Variants in DSCAML1 observed in about 807,000 individuals in gnomAD.
The protein encoded by DSCAML1 is DS cell adhesion molecule like 1.
Under a neutral mutation model 200.5 loss-of-function variants are expected in DSCAML1, and 38 were observed. The observed-to-expected ratio is 0.19, with a 90% CI of 0.15 to 0.25. The LOEUF (loss-of-function observed/expected upper bound fraction) is 0.25. Ranked by LOEUF, DSCAML1 falls within the 10% of genes least tolerant of loss-of-function variation. The probability of loss-of-function intolerance (pLI) is 1.00; values close to 1 mark genes in which losing one functional copy is unlikely to be tolerated. For missense variants in DSCAML1, 2,223 were observed against 2,858.8 expected (o/e 0.78, Z 5.07); for synonymous variants, 1,215 against 1,165.0 (o/e 1.04, Z -0.87).
intron 3 of DSCAML1, among the ~76,000 whole-genome samples, chr11:117,763,596 C>T (rs1371333714): frequency 6.6e-6 from 1 of 152,034 alleles, no homozygotes; most frequent in Non-Finnish European, 1.5e-5. Context: ...ACCTGTGATG[C>T]ATCCTGAGCC....
chr11:117,547,877 G>A (rs944410311), intron 3 of DSCAML1, among the ~76,000 whole-genome samples: 8 of 152,130 alleles, frequency 5.3e-5, no homozygotes, highest in Non-Finnish European at 7.4e-5. Flanking sequence ...CAGCCACGCT[G>A]GTCCTCCGCT....
At chr11:117,654,874 T>C (rs1485915140) in intron 3 of DSCAML1, among the ~76,000 whole-genome samples, 2 of 152,116 alleles carry the variant, frequency 1.3e-5, no homozygotes, top group Non-Finnish European at 1.5e-5. Context: ...TTATTCCGGG[T>C]ACCCTGGTGG....
chr11:117,787,440 C>T (rs1422354754), intron 1 of DSCAML1, among the ~76,000 whole-genome samples: 2 of 152,134 alleles, frequency 1.3e-5, no homozygotes, highest in Admixed American at 6.5e-5. Context: ...TAACCTAAAA[C>T]CGTGGTTCTC....
chr11:117,721,007 G>A (rs188578880), intron 3 of DSCAML1, among the ~76,000 whole-genome samples: 2,082 of 152,242 alleles, frequency 0.014, 15 homozygotes, highest in Non-Finnish European at 0.019. Flanking sequence ...CATCCTCAAC[G>A]TTTGTCCAAG....
chr11:117,563,942 C>G (rs2050708053), intron 3 of DSCAML1, among the ~76,000 whole-genome samples: 1 of 152,134 alleles, frequency 6.6e-6, no homozygotes, highest in Admixed American at 6.6e-5. Context: ...GGGTGCCAGT[C>G]TAACTAGGAG....
chr11:117,579,288 CTT>C (rs2051002940), intron 3 of DSCAML1, among the ~76,000 whole-genome samples: 1 of 152,250 alleles, frequency 6.6e-6, no homozygotes, highest in African/African-American at 2.4e-5. Flanking sequence ...AATTCAAACT[CTT>C]TACGGTGACC....
chr11:117,708,113 G>A (rs747480882), intron 3 of DSCAML1, among the ~76,000 whole-genome samples: 1 of 152,096 alleles, frequency 6.6e-6, no homozygotes, highest in Non-Finnish European at 1.5e-5. Context: ...TATACTTCCT[G>A]TACCCCCCAC....
intron 3 of DSCAML1, among the ~76,000 whole-genome samples, chr11:117,584,079 C>T (rs548854897): frequency 6.6e-6 from 1 of 152,120 alleles, no homozygotes; most frequent in Admixed American, 6.5e-5. Context: ...TCCTACCCCC[C>T]TGTGCAATAT....
At position 117,431,551 on chromosome 11, in the gene DSCAML1, C is replaced by T; in HGVS notation, c.5357G>A (p.Ser1786Asn). ...TVTESDSYSA[S>N]LSQDTDKGRN... is the part of the protein sequence containing the mutation. The stretch of plus-strand genomic sequence containing the variant: ...AGGCACACCTGTGTCCTGGGACAGG[C>T]TGGCACTGTAGCTGTCACTCTCAGT... The change falls in exon 31 of 33, where the codon AGC becomes AAC. Residue 1786 changes from serine to asparagine, a missense_variant. Physicochemically the swap from Ser to Asn is conservative, Grantham distance 46. Coordinates refer to ENST00000651296, the MANE Select transcript of DSCAML1 (RefSeq NM_020693.4). 1.3e-6 allele frequency: 2 copies of T among 1,592,602 alleles called. No individual in the cohort carries two copies. Among genetic ancestry groups the T allele is most frequent in the Non-Finnish European group, 1.7e-6 (2 of 1,168,190 alleles).
chr11:117,732,918 G>A (rs1432087999), intron 3 of DSCAML1, among the ~76,000 whole-genome samples: 3 of 151,976 alleles, frequency 2.0e-5, no homozygotes, highest in Non-Finnish European at 2.9e-5. Flanking sequence ...AAAATTATAT[G>A]CTTGAAAACA....
chr11:117,698,940 C>T (rs1430287923), intron 3 of DSCAML1, among the ~76,000 whole-genome samples: 2 of 152,222 alleles, frequency 1.3e-5, no homozygotes, highest in Non-Finnish European at 2.9e-5. Context: ...ATGACACTTA[C>T]GCACAACACC....
chr11:117,646,013 T>C (rs1021278466), intron 3 of DSCAML1, among the ~76,000 whole-genome samples: 2 of 152,204 alleles, frequency 1.3e-5, no homozygotes, highest in African/African-American at 4.8e-5. Flanking sequence ...TCAAATGTGG[T>C]ATTAGCTGCG....
At chr11:117,521,481 T>C (rs2049886743) in intron 5 of DSCAML1, 76 bp from the exon 6 acceptor site, 26 of 1,494,420 alleles carry the variant, frequency 1.7e-5, no homozygotes, top group Non-Finnish European at 2.4e-5. Context: ...GTGAGTGGAG[T>C]GTAGCTGGGG....
At chr11:117,435,179 T>G (rs2047887939) in intron 27 of DSCAML1, among the ~76,000 whole-genome samples, 1 of 152,206 alleles carries the variant, frequency 6.6e-6, no homozygotes, top group East Asian at 1.9e-4. Flanking sequence ...GGGATAATAT[T>G]CAAAATATTT....
intron 3 of DSCAML1, among the ~76,000 whole-genome samples, chr11:117,747,424 CCAGT>C (rs1449357745): frequency 6.6e-6 from 1 of 152,132 alleles, no homozygotes; most frequent in Non-Finnish European, 1.5e-5. Flanking sequence ...TGACCAGTGA[CCAGT>C]CAGTCAATGA....
At chr11:117,766,766 C>G (rs538354076) in intron 3 of DSCAML1, among the ~76,000 whole-genome samples, 1 of 152,190 alleles carries the variant, frequency 6.6e-6, no homozygotes, top group Non-Finnish European at 1.5e-5. Flanking sequence ...CACATGCACA[C>G]GCCGCCAGAG....
intron 1 of DSCAML1, among the ~76,000 whole-genome samples, chr11:117,789,249 G>A (rs945422336): frequency 1.3e-5 from 2 of 152,200 alleles, no homozygotes; most frequent in South Asian, 2.1e-4. Context: ...AGCTCCAGGA[G>A]AAGTTATGAG....
intron 3 of DSCAML1, among the ~76,000 whole-genome samples, chr11:117,543,253 G>A (rs12276306): frequency 0.017 from 2,551 of 152,334 alleles, 67 homozygotes; most frequent in African/African-American, 0.056. Context: ...GTGATCTTGG[G>A]CAGGTGGCTG....
intron 3 of DSCAML1, among the ~76,000 whole-genome samples, chr11:117,549,387 T>C (rs2050431889): frequency 6.6e-6 from 1 of 152,194 alleles, no homozygotes; most frequent in South Asian, 2.1e-4. Flanking sequence ...CTTAAATGAA[T>C]GAATGGATGA....
Sources: allele counts gnomAD v4.1 joint callset (sites outside exome capture counted in the v4.1 genomes callset), GRCh38; gene constraint gnomAD v4.1.1; transcripts MANE v1.5; gene names NCBI Gene and HGNC (gene_info 2026-07-23, HGNC 2026-07-21).